SORCS2: variants seen among roughly 807,000 people sequenced by gnomAD.
SORCS2 encodes VPS10 domain-containing receptor SorCS2.
In SORCS2, 100 loss-of-function variants were observed where a neutral mutation model predicts 141.6. The ratio of observed to expected loss-of-function variants is 0.71; its 90% CI spans 0.60 to 0.83. SORCS2 has a LOEUF of 0.83. Ranked by LOEUF, SORCS2 falls within the 40% of genes least tolerant of loss-of-function variation. The probability of loss-of-function intolerance (pLI) is 0.00; values close to 1 mark genes in which losing one functional copy is unlikely to be tolerated. For missense variants in SORCS2, 1,646 were observed against 1,560.2 expected (o/e 1.05, Z -0.93); for synonymous variants, 789 against 676.9 (o/e 1.17, Z -2.57).
intron 3 of SORCS2, among the ~76,000 whole-genome samples, chr4:7,540,000 C>T (rs1178631974): frequency 6.7e-6 from 1 of 150,340 alleles, no homozygotes; most frequent in Non-Finnish European, 1.5e-5. Flanking sequence ...GCCCCACTCC[C>T]TCCCTGTTAT....
chr4:7,651,861 C>T (rs967880424), intron 4 of SORCS2, among the ~76,000 whole-genome samples: 4 of 152,166 alleles, frequency 2.6e-5, no homozygotes, highest in Admixed American at 1.3e-4. Flanking sequence ...ATTCCTTAGC[C>T]GGGGACTCGG....
At chr4:7,722,001 A>G (rs912429074) in intron 18 of SORCS2, among the ~76,000 whole-genome samples, 6 of 152,194 alleles carry the variant, frequency 3.9e-5, no homozygotes, top group African/African-American at 1.4e-4. Flanking sequence ...TCTTTGCTTT[A>G]CTATTTGTAT....
intron 10 of SORCS2, among the ~76,000 whole-genome samples, chr4:7,684,575 C>T (rs559512417): frequency 8.7e-4 from 132 of 152,314 alleles, no homozygotes; most frequent in Non-Finnish European, 1.6e-3. Context: ...TTAGAGACTG[C>T]ACCCTGGGGA....
chr4:7,548,660 G>A (rs10805001), intron 3 of SORCS2, among the ~76,000 whole-genome samples: 100,521 of 151,760 alleles, frequency 0.66, 35,065 homozygotes, highest in East Asian at 0.89. Context: ...GTGCCTCACC[G>A]TGGAATGGTG....
At chr4:7,474,704 A>T (rs554946492) in intron 2 of SORCS2, among the ~76,000 whole-genome samples, 278 of 152,306 alleles carry the variant, frequency 1.8e-3, no homozygotes, top group African/African-American at 6.3e-3. Context: ...GTGGAGCGAG[A>T]CTGGGGTCTG....
At chr4:7,398,888 A>G (rs1724390086) in intron 2 of SORCS2, among the ~76,000 whole-genome samples, 1 of 152,154 alleles carries the variant, frequency 6.6e-6, no homozygotes, top group Non-Finnish European at 1.5e-5. Context: ...TGAGCCAGGG[A>G]GTGTGAATGG....
intron 3 of SORCS2, among the ~76,000 whole-genome samples, chr4:7,635,222 A>C (rs543714892): frequency 6.6e-6 from 1 of 152,276 alleles, no homozygotes; most frequent in South Asian, 2.1e-4. Flanking sequence ...GCGTGGGTGC[A>C]TCCTGCAGTG....
intron 4 of SORCS2, among the ~76,000 whole-genome samples, chr4:7,650,887 G>T (rs1386176803): frequency 6.6e-6 from 1 of 152,048 alleles, no homozygotes; most frequent in African/African-American, 2.4e-5. Context: ...CTATAACAAG[G>T]ACTTCAGCAT....
intron 3 of SORCS2, among the ~76,000 whole-genome samples, chr4:7,539,166 C>A (rs1329706448): frequency 6.6e-6 from 1 of 152,206 alleles, no homozygotes; most frequent in Non-Finnish European, 1.5e-5. Context: ...AGCCTTCCAG[C>A]AGCTCTGTAC....
chr4:7,262,375 TATCCATCCATCCATCCATCCATCCATCC>T (rs61111993), intron 1 of SORCS2, among the ~76,000 whole-genome samples: 34 of 137,182 alleles, frequency 2.5e-4, no homozygotes, highest in African/African-American at 8.5e-4. Flanking sequence ...CCTATCCATC[TATCCATCCATCCATCCATCCATCCATCC>T]ATCCATCCAT....
rs769003613 is a variant in SORCS2, at chr4:7,650,376, C to A, written c.814-3758C>A. On this transcript the variant is annotated intron_variant, in intron 4 of 26. Transcript: ENST00000507866. ...TGATCGCGACAGAACGTGCTGTGTG[C>A]GTGGCAAGTGCAACCACTTTGCAGC... Among the ~76,000 whole-genome samples, 5 of 152,288 alleles carry A rather than the reference C, an allele frequency of 3.3e-5. No homozygotes were observed. The South Asian group carries it at 1.0e-3, about 32-fold the overall frequency.
chr4:7,221,608 C>G (rs1391748067), intron 1 of SORCS2, among the ~76,000 whole-genome samples: 1 of 152,220 alleles, frequency 6.6e-6, no homozygotes, highest in Non-Finnish European at 1.5e-5. Context: ...CAGCCCTTAA[C>G]ATGCTTTGGG....
At chr4:7,723,584 G>A in intron 18 of SORCS2, 113 bp from the exon 19 acceptor site, 2 of 1,230,090 alleles carry the variant, frequency 1.6e-6, no homozygotes, top group Non-Finnish European at 2.4e-6. Flanking sequence ...TCATGTCAAG[G>A]AAGGGAGGGC....
chr4:7,723,578 G>C (rs1726745641), intron 18 of SORCS2, 119 bp from the exon 19 acceptor site: 2 of 1,176,292 alleles, frequency 1.7e-6, no homozygotes, highest in Middle Eastern at 2.6e-4. Flanking sequence ...GCCCACTCAT[G>C]TCAAGGAAGG....
At chr4:7,234,450 C>T (rs1287636289) in intron 1 of SORCS2, among the ~76,000 whole-genome samples, 1 of 152,212 alleles carries the variant, frequency 6.6e-6, no homozygotes, top group Non-Finnish European at 1.5e-5. Flanking sequence ...GTTGTTGGCC[C>T]AAGGACTTCC....
At chr4:7,216,934 C>T (rs1182914749) in intron 1 of SORCS2, among the ~76,000 whole-genome samples, 2 of 152,256 alleles carry the variant, frequency 1.3e-5, no homozygotes, top group African/African-American at 2.4e-5. Flanking sequence ...TCCAATTCTC[C>T]GTCCGCACTG....
intron 14 of SORCS2, among the ~76,000 whole-genome samples, chr4:7,706,406 CCTGGACAGAGATGAGGCTGGGCTCTGT>C (rs1725461168): frequency 1.0e-5 from 1 of 98,104 alleles, no homozygotes; most frequent in African/African-American, 4.5e-5. Context: ...CTGGGCTCTG[CCTGGACAGAGATGAGGCTGGGCTCTGT>C]CTGGGCAGGG....
At chr4:7,457,215 C>A (rs563593613) in intron 2 of SORCS2, among the ~76,000 whole-genome samples, 9 of 152,236 alleles carry the variant, frequency 5.9e-5, no homozygotes, top group Non-Finnish European at 7.3e-5. Flanking sequence ...GTCTTCCCAG[C>A]CGCCATGCAC....
chr4:7,564,808 GAGAA>G (rs1560390025), intron 3 of SORCS2, among the ~76,000 whole-genome samples: 2 of 152,218 alleles, frequency 1.3e-5, no homozygotes, highest in Non-Finnish European at 2.9e-5. Flanking sequence ...CATTTTATTC[GAGAA>G]AGAAAAGAAG....
Sources: allele counts gnomAD v4.1 joint callset (sites outside exome capture counted in the v4.1 genomes callset), GRCh38; gene constraint gnomAD v4.1.1; transcripts MANE v1.5; gene names NCBI Gene and HGNC (gene_info 2026-07-23, HGNC 2026-07-21).